Variants in ATG4A observed in about 807,000 individuals in gnomAD.
ATG4A encodes autophagy related 4A cysteine peptidase.
A neutral mutation model predicts 38.4 loss-of-function variants in ATG4A; 22 were observed. The ratio of observed to expected loss-of-function variants is 0.57; its 90% confidence interval spans 0.41 to 0.82. ATG4A has a LOEUF of 0.82. Among genes scored for constraint, ATG4A ranks in the 40% least tolerant of loss-of-function variants. The pLI is 0.00. For synonymous variants in ATG4A, 86 were observed against 100.7 expected (o/e 0.85, Z 0.88); for missense variants, 220 against 290.0 (o/e 0.76, Z 1.75).
intron 9 of ATG4A, among the ~76,000 whole-genome samples, chrX:108,147,284 G>A (rs1306347575): frequency 9.0e-6 from 1 of 111,541 alleles, no homozygotes; most frequent in Non-Finnish European, 1.9e-5. Flanking sequence ...CCGGGGAGGG[G>A]ATATTGCCAC....
At chrX:108,130,387 A>G (rs911661875) in intron 3 of ATG4A, among the ~76,000 whole-genome samples, 6 of 112,615 alleles carry the variant, frequency 5.3e-5, no homozygotes, top group African/African-American at 1.9e-4. Flanking sequence ...GGAAAAGGAT[A>G]TTGAGCTCAC....
chrX:108,096,410 G>A (rs999263257), intron 1 of ATG4A, among the ~76,000 whole-genome samples: 4 of 111,980 alleles, frequency 3.6e-5, no homozygotes, highest in East Asian at 2.8e-4. Context: ...TAGCCTGCCA[G>A]TCATAGTTGG....
chrX:108,139,144 T>C (rs5973846), intron 9 of ATG4A, among the ~76,000 whole-genome samples: 53,877 of 109,600 alleles, frequency 0.49, 10,336 homozygotes, highest in African/African-American at 0.66. Flanking sequence ...AAGGACAGGG[T>C]GGAGATGGCC....
At chrX:108,149,934 G>A (rs978973445) in intron 9 of ATG4A, 7 of 371,784 alleles carry the variant, frequency 1.9e-5, no homozygotes, top group Non-Finnish European at 2.3e-5. Flanking sequence ...GGACTTTGAG[G>A]AGATGTAAAT....
At chrX:108,145,058 TAGAA>T (rs2033390466) in intron 9 of ATG4A, among the ~76,000 whole-genome samples, 1 of 112,081 alleles carries the variant, frequency 8.9e-6, no homozygotes, top group Admixed American at 9.4e-5. Context: ...TCCTTCACCT[TAGAA>T]AGAATATCTT....
intron 1 of ATG4A, among the ~76,000 whole-genome samples, chrX:108,110,924 G>A (rs755960279): frequency 1.8e-5 from 2 of 111,461 alleles, no homozygotes; most frequent in Admixed American, 9.5e-5. Context: ...GGTTTTTTGA[G>A]ACAGGATCTT....
intron 1 of ATG4A, among the ~76,000 whole-genome samples, chrX:108,103,519 G>A (rs1335914991): frequency 8.9e-6 from 1 of 111,738 alleles, no homozygotes; most frequent in Admixed American, 9.4e-5. Context: ...TTGCAATTTT[G>A]TTCATTGTTT....
intron 1 of ATG4A, among the ~76,000 whole-genome samples, chrX:108,124,793 A>T (rs1407748026): frequency 5.4e-5 from 6 of 112,010 alleles, no homozygotes; most frequent in Admixed American, 9.4e-5. Flanking sequence ...TATATTTAGG[A>T]GCATTTATTT....
chrX:108,098,390 A>G (rs1180512373), intron 1 of ATG4A, among the ~76,000 whole-genome samples: 1 of 111,891 alleles, frequency 8.9e-6, no homozygotes, highest in African/African-American at 3.3e-5. Context: ...TTTATTATGA[A>G]TAAGAGACTC....
In ATG4A at chrX:108,137,177, T is replaced by TA. The variant is rs775498678; in HGVS notation, c.547+8dup. ...GTGGTCATTGAAGATATCAGTGAGT[T>TA]ACCAGCCTGTTTAACTTCCCAGCTG... On this transcript the variant is annotated splice_region_variant and intron_variant, in intron 7 of 12. Transcript: ENST00000372232. 48 of 1,190,031 alleles carry TA rather than the reference T, an allele frequency of 4.0e-5. No individual in the cohort carries two copies. Among genetic ancestry groups the TA allele is most frequent in the Non-Finnish European group, 5.0e-5 (44 of 880,144 alleles).
chrX:108,094,905 A>G (rs2031757698), intron 1 of ATG4A, among the ~76,000 whole-genome samples: 1 of 112,456 alleles, frequency 8.9e-6, no homozygotes, highest in Admixed American at 9.3e-5. Flanking sequence ...CAGAAAATAT[A>G]TATGCTGCAA....
chrX:108,117,982 A>G (rs997837734), intron 1 of ATG4A, among the ~76,000 whole-genome samples: 1 of 112,572 alleles, frequency 8.9e-6, no homozygotes, highest in African/African-American at 3.2e-5. Flanking sequence ...ATAATAATGT[A>G]TAGACATATA....
At chrX:108,141,351 GA>G (rs2033290380) in intron 9 of ATG4A, among the ~76,000 whole-genome samples, 2 of 108,689 alleles carry the variant, frequency 1.8e-5, no homozygotes, top group Admixed American at 2.0e-4. Context: ...CTATCTACTT[GA>G]TTATTAATCA....
intron 1 of ATG4A, among the ~76,000 whole-genome samples, chrX:108,119,404 A>G (rs757321731): frequency 2.7e-5 from 3 of 110,895 alleles, no homozygotes; most frequent in South Asian, 7.6e-4. Context: ...TTTTTTTTTT[A>G]TCATAACAAC....
Position 108,137,125 on chromosome X carries a change from G to A in ATG4A, c.502G>A (p.Ala168Thr). ...LALFDEWNSLAVYVSMDNTVV... is the reference protein window; with the variant it reads ...LALFDEWNSLTVYVSMDNTVV... Reference sequence around the variant, plus strand: ...TTTATTTGACGAATGGAATTCCTTGGCTGTTTATGTTTCAATGGATAACAC... The same window carrying A: ...TTTATTTGACGAATGGAATTCCTTGACTGTTTATGTTTCAATGGATAACAC... The change falls in exon 7 of 13, where the codon GCT becomes ACT. Residue 168 changes from alanine (A) to threonine (T), a missense_variant. By Grantham distance (58) the Ala-to-Thr change is moderately conservative. Transcript: ENST00000372232. 1 of 1,208,082 alleles carries A rather than the reference G, an allele frequency of 8.3e-7. No individual in the cohort carries two copies. The highest frequency in any genetic ancestry group is 1.1e-6 in the Non-Finnish European group (1 of 893,210).
intron 1 of ATG4A, among the ~76,000 whole-genome samples, chrX:108,122,888 C>T (rs959933488): frequency 8.9e-6 from 1 of 112,037 alleles, no homozygotes; most frequent in African/African-American, 3.2e-5. Flanking sequence ...CAAGATTACA[C>T]GCATGCATAG....
intron 1 of ATG4A, among the ~76,000 whole-genome samples, chrX:108,125,393 T>A (rs2032772043): frequency 9.0e-6 from 1 of 111,721 alleles, no homozygotes; most frequent in South Asian, 3.8e-4. Context: ...TCACTCACCA[T>A]AACAAAGGTT....
intron 1 of ATG4A, among the ~76,000 whole-genome samples, chrX:108,095,166 C>T (rs916626411): frequency 2.7e-5 from 3 of 112,205 alleles, no homozygotes; most frequent in African/African-American, 9.7e-5. Context: ...TCTCTAACTC[C>T]TGACCTCAGG....
At chrX:108,107,846 T>C (rs923488143) in intron 1 of ATG4A, among the ~76,000 whole-genome samples, 11 of 111,238 alleles carry the variant, frequency 9.9e-5, no homozygotes, top group African/African-American at 3.3e-4. Context: ...TAGGCCTCCA[T>C]TGACAGGCCT....
Sources: allele counts gnomAD v4.1 joint callset (sites outside exome capture counted in the v4.1 genomes callset), GRCh38; gene constraint gnomAD v4.1.1; transcripts MANE v1.5; gene names NCBI Gene and HGNC (gene_info 2026-07-23, HGNC 2026-07-21).